ZFAND6: variants seen among roughly 807,000 people sequenced by gnomAD.
ZFAND6 encodes zinc finger AN1-type containing 6.
In ZFAND6, 12 loss-of-function variants were observed where a neutral mutation model predicts 24.5. The ratio of observed to expected loss-of-function variants is 0.49; its 90% CI spans 0.31 to 0.79. The LOEUF is 0.79. Ranked by LOEUF, ZFAND6 falls within the 30% of genes least tolerant of loss-of-function variation. The probability of loss-of-function intolerance (pLI) is 0.04; values close to 1 mark genes in which losing one functional copy is unlikely to be tolerated. For missense variants in ZFAND6, 207 were observed against 245.9 expected (o/e 0.84, Z 1.06); for synonymous variants, 92 against 81.5 (o/e 1.13, Z -0.69).
chr15:80,131,349 G>A, intron 6 of ZFAND6, 56 bp downstream of exon 6: 1 of 1,436,982 alleles, frequency 7.0e-7, no homozygotes, highest in Non-Finnish European at 9.7e-7. Context: ...ATAATGCATA[G>A]CTTACTGTTG....
intron 1 of ZFAND6, among the ~76,000 whole-genome samples, chr15:80,080,243 C>A: frequency 6.6e-6 from 1 of 152,056 alleles, no homozygotes; most frequent in Non-Finnish European, 1.5e-5. Flanking sequence ...GTGATCCACC[C>A]ACTTCGGCCT....
At chr15:80,078,117 T>A (rs1043977314) in intron 1 of ZFAND6, among the ~76,000 whole-genome samples, 3 of 152,222 alleles carry the variant, frequency 2.0e-5, no homozygotes, top group African/African-American at 7.2e-5. Flanking sequence ...ATGGGTAAAT[T>A]GCATGTCACT....
intron 2 of ZFAND6, among the ~76,000 whole-genome samples, chr15:80,108,729 T>G (rs900366239): frequency 1.0e-5 from 1 of 96,458 alleles, no homozygotes; most frequent in African/African-American, 3.1e-5. Context: ...GCATCCTTGT[T>G]TTTTTGTTTT....
intron 1 of ZFAND6, among the ~76,000 whole-genome samples, chr15:80,061,526 A>G (rs2036333174): frequency 6.6e-6 from 1 of 152,212 alleles, no homozygotes; most frequent in South Asian, 2.1e-4. Context: ...GATTTTGTGT[A>G]TGTCACTTCC....
At chr15:80,093,008 G>C (rs756119717) in intron 1 of ZFAND6, among the ~76,000 whole-genome samples, 5 of 150,048 alleles carry the variant, frequency 3.3e-5, no homozygotes, top group Non-Finnish European at 7.4e-5. Flanking sequence ...AGGCTGGAAT[G>C]CAGTGGCACG....
chr15:80,064,803 G>A (rs2036525612), intron 1 of ZFAND6, among the ~76,000 whole-genome samples: 1 of 151,934 alleles, frequency 6.6e-6, no homozygotes, highest in Non-Finnish European at 1.5e-5. Flanking sequence ...ACCATGCCTG[G>A]CAATTTTTTG....
rs1466305098 is a variant in ZFAND6 at position 80,133,192 on chromosome 15, G to GTT, written c.478+1904_478+1905dup. Among the ~76,000 whole-genome samples, 6 of 92,844 alleles carry GTT rather than the reference G, an allele frequency of 6.5e-5. 1 individual carries two copies. Among genetic ancestry groups the GTT allele is most frequent in the Admixed American group, 3.4e-4 (3 of 8,792 alleles). The allele number at this position is 92,844 out of a possible 152,430, so 60.9% of individuals were successfully genotyped here. On this transcript the variant is annotated intron_variant, in intron 6 of 6. Coordinates refer to ENST00000261749, the MANE Select transcript of ZFAND6 (RefSeq NM_019006.4). ...GGATGGTGTTTTTTTTTGTTTGTTTGTTTTTTGTTTTTTTTTTTGAAATGG... is the reference window on the plus strand; with the variant it reads ...GGATGGTGTTTTTTTTTGTTTGTTTGTTTTTTTTGTTTTTTTTTTTGAAATGG...
At chr15:80,079,311 C>T (rs2037496716) in intron 1 of ZFAND6, among the ~76,000 whole-genome samples, 1 of 151,916 alleles carries the variant, frequency 6.6e-6, no homozygotes, top group Non-Finnish European at 1.5e-5. Flanking sequence ...AGCTCCGCCT[C>T]CTGGGTTCAC....
chr15:80,098,730 A>T (rs2038871640), intron 2 of ZFAND6, among the ~76,000 whole-genome samples, 152 bp downstream of exon 2: 1 of 152,000 alleles, frequency 6.6e-6, no homozygotes, highest in Admixed American at 6.6e-5. Flanking sequence ...CTGAGGGTGG[A>T]GTGGGTGGTA....
chr15:80,101,420 G>A (rs991998080), intron 2 of ZFAND6, among the ~76,000 whole-genome samples: 6 of 151,882 alleles, frequency 4.0e-5, no homozygotes, highest in African/African-American at 1.2e-4. Flanking sequence ...TGGAAATTGC[G>A]CCATTGCACT....
intron 2 of ZFAND6, among the ~76,000 whole-genome samples, chr15:80,110,525 A>C (rs915417529): frequency 6.6e-6 from 1 of 152,082 alleles, no homozygotes; most frequent in Non-Finnish European, 1.5e-5. Flanking sequence ...GAAATTGACA[A>C]ACTGAATCTA....
At chr15:80,101,059 G>A (rs566488643) in intron 2 of ZFAND6, among the ~76,000 whole-genome samples, 2 of 152,178 alleles carry the variant, frequency 1.3e-5, no homozygotes, top group African/African-American at 2.4e-5. Context: ...TATTATAAAT[G>A]CTCAAAATAA....
intron 6 of ZFAND6, among the ~76,000 whole-genome samples, chr15:80,136,215 C>CCAGCA: frequency 6.6e-6 from 1 of 152,078 alleles, no homozygotes; most frequent in Admixed American, 6.5e-5. Context: ...GCCTGTAGTC[C>CCAGCA]CAGCACTTCG....
At chr15:80,135,159 C>G (rs1309609009) in intron 6 of ZFAND6, among the ~76,000 whole-genome samples, 2 of 152,208 alleles carry the variant, frequency 1.3e-5, no homozygotes, top group East Asian at 1.9e-4. Context: ...TCGACTTTCA[C>G]TTAATGAATA....
Position 80,117,881 on chromosome 15 carries a change from T to C in ZFAND6, c.-17-2447T>C, listed in dbSNP as rs186414629. Among the ~76,000 whole-genome samples, 544 of 152,196 alleles carry C rather than the reference T, an allele frequency of 3.6e-3. 4 individuals carry two copies. Among genetic ancestry groups the C allele is most frequent in the African/African-American group, 0.013 (522 of 41,518 alleles). On this transcript the variant is annotated intron_variant, in intron 2 of 6. Transcript: ENST00000261749. ...ATTGCTATAGCAGCATTTGTCCATA[T>C]GGTGAAAAAGGCAAATAACTCACTA... is the stretch of plus-strand genomic sequence containing the variant.
chr15:80,108,404 C>G (rs146059192), intron 2 of ZFAND6, among the ~76,000 whole-genome samples: 1 of 152,042 alleles, frequency 6.6e-6, no homozygotes, highest in Non-Finnish European at 1.5e-5. Context: ...ATAGATAGAT[C>G]GATCAATCTG....
chr15:80,123,186 CTG>C (rs974055683), intron 5 of ZFAND6: 12 of 158,588 alleles, frequency 7.6e-5, no homozygotes, highest in South Asian at 3.7e-4. Flanking sequence ...ATCTGAGAGA[CTG>C]TGTCCATCGT....
chr15:80,122,709 A>G lies in ZFAND6; in HGVS notation c.273A>G (p.Ser91=), dbSNP rs776781451. 20 of 1,613,284 alleles carry G rather than the reference A, an allele frequency of 1.2e-5. No individual in the cohort carries two copies. The highest frequency in any genetic ancestry group is 6.7e-5 in the Admixed American group (4 of 59,994). Residue 91 remains serine (S), a synonymous_variant, in exon 5 of 7, where the codon TCA becomes TCG. Coordinates refer to ENST00000261749, the MANE Select transcript of ZFAND6 (RefSeq NM_019006.4). Reference sequence around the variant, plus strand: ...TATTTTGCTTTTCTAGCCCTGTATCAAATCAGTCACTTTTATCAGAATCTG... The same window carrying G: ...TATTTTGCTTTTCTAGCCCTGTATCGAATCAGTCACTTTTATCAGAATCTG... ...TSSSMQPSPV[S]NQSLLSESVA...
At chr15:80,118,766 T>C (rs2040015418) in intron 2 of ZFAND6, among the ~76,000 whole-genome samples, 1 of 152,222 alleles carries the variant, frequency 6.6e-6, no homozygotes, top group African/African-American at 2.4e-5. Flanking sequence ...TAGGACTTTT[T>C]TTTTTTAAAG....
Sources: allele counts gnomAD v4.1 joint callset (sites outside exome capture counted in the v4.1 genomes callset), GRCh38; gene constraint gnomAD v4.1.1; transcripts MANE v1.5; gene names NCBI Gene and HGNC (gene_info 2026-07-23, HGNC 2026-07-21).